Variants in SBF2 observed in about 807,000 individuals in gnomAD.
SBF2 encodes the protein myotubularin-related protein 13.
A neutral mutation model predicts 225.2 loss-of-function variants in SBF2; 112 were observed. The ratio of observed to expected loss-of-function variants is 0.50; its 90% CI spans 0.43 to 0.58. The LOEUF is 0.58. Ranked by LOEUF, SBF2 falls within the 20% of genes least tolerant of loss-of-function variation. SBF2 has a pLI of 0.00. For synonymous variants in SBF2, 763 were observed against 773.3 expected (o/e 0.99, Z 0.22); for missense variants, 1,996 against 2,206.2 (o/e 0.90, Z 1.91).
chr11:9,838,994 A>C (rs529184095), intron 26 of SBF2: 1 of 175,270 alleles, frequency 5.7e-6, no homozygotes, highest in East Asian at 1.4e-4. Flanking sequence ...CTGGGTCAGC[A>C]AATTATAGCC....
chr11:10,247,298 T>C (rs2135477211), intron 1 of SBF2, among the ~76,000 whole-genome samples: 2 of 152,204 alleles, frequency 1.3e-5, no homozygotes, highest in African/African-American at 4.8e-5. Flanking sequence ...AAGGATAATA[T>C]AGCAAAGCAA....
At chr11:10,232,113 C>T (rs1056234539) in intron 1 of SBF2, among the ~76,000 whole-genome samples, 8 of 152,204 alleles carry the variant, frequency 5.3e-5, no homozygotes, top group South Asian at 2.1e-4. Context: ...GAGCCAGGTG[C>T]GGGATATAAT....
At chr11:9,954,331 C>A (rs2134335266) in intron 16 of SBF2, among the ~76,000 whole-genome samples, 1 of 152,228 alleles carries the variant, frequency 6.6e-6, no homozygotes, top group East Asian at 1.9e-4. Flanking sequence ...AGATGTTTGG[C>A]CACTCTGCCT....
intron 1 of SBF2, among the ~76,000 whole-genome samples, chr11:10,285,966 G>A (rs1228711573): frequency 3.9e-5 from 6 of 152,112 alleles, no homozygotes; most frequent in African/African-American, 1.2e-4. Flanking sequence ...CCAGGAAAAC[G>A]CAAATTAAAA....
chr11:10,165,493 G>T lies in SBF2; in HGVS notation c.141+28409C>A, dbSNP rs753871365. ...TAGTTTCCAGTTTCCAATATGATCT[G>T]TTGCAAAATTAGCCAAAAATGATGT... is the stretch of plus-strand genomic sequence containing the variant. On this transcript the variant is annotated intron_variant, in intron 2 of 39. Coordinates refer to ENST00000256190, the MANE Select transcript of SBF2 (RefSeq NM_030962.4). Among the ~76,000 whole-genome samples the T allele has an allele frequency of 1.9e-4, 29 of 152,086 alleles. 1 individual carries two copies. Among genetic ancestry groups the T allele is most frequent in the Non-Finnish European group, 3.2e-4 (22 of 68,010 alleles).
At position 9,856,811 on chromosome 11, in the gene SBF2, G is replaced by A. The variant is rs1275451511; in HGVS notation, c.2101-91C>T. The A allele has an allele frequency of 7.1e-5, 92 of 1,293,824 alleles. 1 individual carries two copies. The highest frequency in any genetic ancestry group is 8.8e-5 in the Non-Finnish European group (81 of 923,314). The allele number at this position is 1,293,824 out of a possible 1,614,324, so 80.1% of individuals were successfully genotyped here. ...TTTTTTTTTTTTTTTTTTTTGAGAC[G>A]GAGTCTCGCTCTGTCACCCAGGCTG... On this transcript the variant is annotated intron_variant, in intron 18 of 39. Transcript: ENST00000256190.
intron 13 of SBF2, among the ~76,000 whole-genome samples, chr11:9,978,152 C>A (rs1946783941): frequency 6.6e-6 from 1 of 152,174 alleles, no homozygotes; most frequent in Non-Finnish European, 1.5e-5. Flanking sequence ...TTATTTTCCT[C>A]GCATTGATAC....
chr11:10,264,479 A>G (rs1565415059), intron 1 of SBF2, among the ~76,000 whole-genome samples: 1 of 152,156 alleles, frequency 6.6e-6, no homozygotes, highest in Non-Finnish European at 1.5e-5. Flanking sequence ...TTAATTCAAT[A>G]TGTATTTACC....
chr11:10,280,825 C>T (rs940526095), intron 1 of SBF2, among the ~76,000 whole-genome samples: 1 of 146,230 alleles, frequency 6.8e-6, no homozygotes, highest in Admixed American at 7.1e-5. Flanking sequence ...TCACAGGTAA[C>T]AACTGGGGAT....
At chr11:10,018,330 A>G (rs905339001) in intron 6 of SBF2, among the ~76,000 whole-genome samples, 1 of 152,164 alleles carries the variant, frequency 6.6e-6, no homozygotes, top group Non-Finnish European at 1.5e-5. Flanking sequence ...AACGGTTAAA[A>G]CATAAAATAA....
At chr11:9,962,497 A>G (rs1866640833) in intron 15 of SBF2, among the ~76,000 whole-genome samples, 1 of 152,246 alleles carries the variant, frequency 6.6e-6, no homozygotes, top group Non-Finnish European at 1.5e-5. Flanking sequence ...AATTAAAACA[A>G]TAAGAAATAC....
intron 2 of SBF2, among the ~76,000 whole-genome samples, chr11:10,188,006 C>A (rs1021735254): frequency 6.6e-6 from 1 of 152,102 alleles, no homozygotes; most frequent in Non-Finnish European, 1.5e-5. Flanking sequence ...CTAATAACAT[C>A]CCTGTAGGAA....
chr11:10,063,648 C>T (rs926451502), intron 2 of SBF2, among the ~76,000 whole-genome samples: 2 of 151,386 alleles, frequency 1.3e-5, no homozygotes, highest in African/African-American at 4.9e-5. Context: ...TGAGCCACCG[C>T]GCCTGGCCAA....
intron 2 of SBF2, among the ~76,000 whole-genome samples, chr11:10,154,554 C>T (rs534602057): frequency 6.6e-6 from 1 of 152,204 alleles, no homozygotes; most frequent in South Asian, 2.1e-4. Context: ...CCCCCTTAAA[C>T]GTATTAAGCA....
intron 6 of SBF2, among the ~76,000 whole-genome samples, chr11:10,013,430 C>A (rs920289220): frequency 1.1e-4 from 16 of 152,194 alleles, no homozygotes; most frequent in Non-Finnish European, 8.8e-5. Context: ...CAGACTCCTG[C>A]TGTTTTTACA....
intron 2 of SBF2, among the ~76,000 whole-genome samples, chr11:10,125,196 T>C (rs1025555349): frequency 9.9e-5 from 15 of 152,032 alleles, no homozygotes; most frequent in Admixed American, 7.9e-4. Context: ...TAATGAATTA[T>C]ATTGATATAT....
intron 2 of SBF2, among the ~76,000 whole-genome samples, chr11:10,073,905 T>G (rs1950992576): frequency 6.6e-6 from 1 of 152,136 alleles, no homozygotes; most frequent in African/African-American, 2.4e-5. Context: ...TTACTTATGT[T>G]TTAGGTATGA....
In SBF2 at chr11:9,795,945, A is replaced by G; in HGVS notation, c.4456T>C (p.Tyr1486His). ...AGATTGAATTCAAACTCAGTTGGAT[A>G]CTGGTTGTGAACCTGAAACACACAA... ...LDCVHQVHNQ[Y>H]PTEFEFNLYY... Residue 1486 changes from tyrosine (Y) to histidine (H), a missense_variant, in exon 33 of 40, where the codon TAT (tyrosine) becomes CAT (histidine). By Grantham distance (83) the Tyr-to-His change is moderately conservative. Transcript: ENST00000256190. 9 of 1,613,388 alleles carry G rather than the reference A, an allele frequency of 5.6e-6. No homozygotes were observed. The highest frequency in any genetic ancestry group is 7.6e-6 in the Non-Finnish European group (9 of 1,179,948).
At chr11:9,858,464 G>C in intron 17 of SBF2, 68 bp from the exon 18 acceptor site, 5 of 1,456,222 alleles carry the variant, frequency 3.4e-6, no homozygotes, top group Non-Finnish European at 4.8e-6. Flanking sequence ...AGGTCACAGG[G>C]GCCACAGTTA....
Sources: allele counts gnomAD v4.1 joint callset (sites outside exome capture counted in the v4.1 genomes callset), GRCh38; gene constraint gnomAD v4.1.1; transcripts MANE v1.5; gene names NCBI Gene and HGNC (gene_info 2026-07-23, HGNC 2026-07-21).